Variants in TAF4 observed in about 807,000 individuals in gnomAD.
TAF4 encodes the protein transcription initiation factor TFIID subunit 4.
Under a neutral mutation model 90.3 loss-of-function variants are expected in TAF4, and 9 were observed. The ratio of observed to expected loss-of-function variants is 0.10; its 90% confidence interval spans 0.06 to 0.17. The LOEUF is 0.17. TAF4 is among the 10% of genes least tolerant of loss of function. The pLI, the probability that TAF4 is intolerant of heterozygous loss-of-function variation, is 1.00. For synonymous variants in TAF4, 818 were observed against 638.9 expected (o/e 1.28, Z -4.23); for missense variants, 1,351 against 1,370.7 (o/e 0.99, Z 0.23).
intron 14 of TAF4, among the ~76,000 whole-genome samples, chr20:61,984,030 G>A (rs1036834199): frequency 6.6e-6 from 1 of 152,154 alleles, no homozygotes; most frequent in Non-Finnish European, 1.5e-5. Flanking sequence ...CAATAAAAAC[G>A]CAGGAGATGC....
At chr20:62,062,317 A>C (rs182842095) in intron 1 of TAF4, among the ~76,000 whole-genome samples, 11 of 152,330 alleles carry the variant, frequency 7.2e-5, no homozygotes, top group Non-Finnish European at 1.3e-4. Flanking sequence ...GAGTATTTGC[A>C]ATTTGCCATT....
chr20:62,003,042 A>C, intron 9 of TAF4, 118 bp downstream of exon 9: 1 of 719,598 alleles, frequency 1.4e-6, no homozygotes, highest in African/African-American at 1.8e-5. Flanking sequence ...GGAGCCTTGG[A>C]GCCCCGGCCG....
intron 1 of TAF4, among the ~76,000 whole-genome samples, chr20:62,034,778 A>G (rs1010017206): frequency 1.3e-5 from 2 of 152,170 alleles, no homozygotes; most frequent in Non-Finnish European, 2.9e-5. Context: ...AAATATGTAA[A>G]TAGAGTAATA....
chr20:62,022,230 T>TCA (rs938769102), intron 1 of TAF4, among the ~76,000 whole-genome samples: 6 of 152,096 alleles, frequency 3.9e-5, no homozygotes, highest in African/African-American at 1.4e-4. Flanking sequence ...AGCTGTGCTG[T>TCA]CAGTCAGCTG....
chr20:62,000,945 C>T (rs976269807), intron 9 of TAF4, among the ~76,000 whole-genome samples: 1 of 152,040 alleles, frequency 6.6e-6, no homozygotes, highest in Non-Finnish European at 1.5e-5. Context: ...TGTGAGTTGG[C>T]GCCGGGTTAA....
At chr20:61,983,865 A>C (rs1027651754) in intron 14 of TAF4, among the ~76,000 whole-genome samples, 7 of 152,162 alleles carry the variant, frequency 4.6e-5, no homozygotes, top group African/African-American at 1.7e-4. Context: ...AAAAGTAAGG[A>C]TCTCAGGGAT....
intron 1 of TAF4, among the ~76,000 whole-genome samples, chr20:62,023,168 G>T (rs1040391406): frequency 6.6e-6 from 1 of 152,220 alleles, no homozygotes; most frequent in Non-Finnish European, 1.5e-5. Flanking sequence ...CAGGCTGGCC[G>T]CAGTGGCTCA....
At chr20:62,007,505 C>G (rs1216219328) in intron 6 of TAF4, 42 bp downstream of exon 6, 1 of 1,586,840 alleles carries the variant, frequency 6.3e-7, no homozygotes, top group African/African-American at 1.3e-5. Context: ...CCCACCCCTC[C>G]CTGGCCCTAC....
At chr20:62,000,794 C>A (rs557967083) in intron 9 of TAF4, 73 bp from the exon 10 acceptor site, 2 of 1,549,426 alleles carry the variant, frequency 1.3e-6, no homozygotes, top group Non-Finnish European at 1.8e-6. Flanking sequence ...GTGGTAAGGG[C>A]AGGAAACCCC....
At chr20:62,036,917 C>G (rs1349102247) in intron 1 of TAF4, among the ~76,000 whole-genome samples, 1 of 152,200 alleles carries the variant, frequency 6.6e-6, no homozygotes, top group Non-Finnish European at 1.5e-5. Flanking sequence ...GAGCCTGTCC[C>G]ACAGCTGCCT....
At chr20:62,013,013 T>C (rs2055788745) in intron 2 of TAF4, 79 bp from the exon 3 acceptor site, 2 of 1,570,366 alleles carry the variant, frequency 1.3e-6, no homozygotes, top group Admixed American at 1.8e-5. Flanking sequence ...AATTATTCCT[T>C]CCATATGTAA....
intron 1 of TAF4, 55 bp downstream of exon 1, chr20:62,064,396 G>A: frequency 2.3e-6 from 3 of 1,276,828 alleles, no homozygotes; most frequent in Non-Finnish European, 3.0e-6. Flanking sequence ...TCCTGGAACT[G>A]GCAGCTGGCG....
intron 1 of TAF4, among the ~76,000 whole-genome samples, chr20:62,046,143 C>A (rs934890542): frequency 1.3e-5 from 2 of 152,204 alleles, no homozygotes; most frequent in African/African-American, 4.8e-5. Context: ...ACAACCACAG[C>A]CATAACTGCC....
rs1401482176 is a variant in TAF4, at chr20:61,975,236, A to C, written c.*932T>G. 1 of 152,478 alleles carries C rather than the reference A, an allele frequency of 6.6e-6. No individual in the cohort carries two copies. The highest frequency in any genetic ancestry group is 1.5e-5 in the Non-Finnish European group (1 of 68,040). The allele number at this position is 152,478 out of a possible 1,614,324, so 9.4% of individuals were successfully genotyped here. ...GCCCAAGGCTTGCATACAGTCTCTT[A>C]GCAAAATAATTATAGTTTACATAGC... On this transcript the variant is annotated 3_prime_UTR_variant, in exon 15 of 15. Transcript: ENST00000252996.
intron 1 of TAF4, among the ~76,000 whole-genome samples, chr20:62,060,151 C>G (rs1600867040): frequency 1.3e-5 from 2 of 152,224 alleles, no homozygotes; most frequent in African/African-American, 4.8e-5. Context: ...GGGGGCAGTC[C>G]TGGAAGCCAG....
chr20:61,990,615 G>A (rs1294278170), intron 14 of TAF4, among the ~76,000 whole-genome samples: 2 of 152,182 alleles, frequency 1.3e-5, no homozygotes, highest in African/African-American at 2.4e-5. Context: ...AGTCAAACCT[G>A]GGGCAGGGGA....
intron 1 of TAF4, among the ~76,000 whole-genome samples, chr20:62,016,933 CGAGACCAGACTGGGCAATATAGT>C (rs1420173208): frequency 1.3e-5 from 2 of 151,826 alleles, no homozygotes; most frequent in African/African-American, 4.8e-5. Context: ...GAGGCTGGTT[CGAGACCAGACTGGGCAATATAGT>C]GAGACCCCAT....
At chr20:62,000,807 G>A (rs907142046) in intron 9 of TAF4, 86 bp from the exon 10 acceptor site, 39 of 1,471,508 alleles carry the variant, frequency 2.7e-5, no homozygotes, top group East Asian at 2.5e-4. Flanking sequence ...GAAACCCCAC[G>A]TGGAAGGCAG....
Position 62,065,267 on chromosome 20 carries a change from G to A in TAF4, c.544C>T (p.Pro182Ser), listed in dbSNP as rs1364790729. Residue 182 changes from proline to serine, a missense_variant, in exon 1 of 15, where the codon CCC becomes TCC. Around this residue, in one of 9 missense-constraint regions of TAF4, gnomAD observed 782 missense variants for 536.6 expected, o/e 1.46. Coordinates refer to ENST00000252996, the MANE Select transcript of TAF4 (RefSeq NM_003185.4). Reference sequence around the variant, plus strand: ...GCGGGCTTGCCAGGGCCAGGGCCGGGGCCGGGGCCGGGGCCGGGCCCGGGG... The same window carrying A: ...GCGGGCTTGCCAGGGCCAGGGCCGGAGCCGGGGCCGGGGCCGGGCCCGGGG... ...PGPGPGPGPG[P>S]GPGPGKPAGP... The A allele has an allele frequency of 2.1e-6, 2 of 934,692 alleles. No homozygotes were observed. The highest frequency in any genetic ancestry group is 4.8e-5 in the South Asian group (1 of 20,974). 57.9% of individuals were successfully genotyped at this position (934,692 alleles called of 1,614,324 possible).
Sources: allele counts gnomAD v4.1 joint callset (sites outside exome capture counted in the v4.1 genomes callset), GRCh38; gene constraint gnomAD v4.1.1; regional missense constraint gnomAD v4.1.1; transcripts MANE v1.5; gene names NCBI Gene and HGNC (gene_info 2026-07-23, HGNC 2026-07-21).